The following DYNLRB1 variants were observed in gnomAD, a reference collection of about 807,000 sequenced individuals.
DYNLRB1 encodes ROBL/LC7-like 1.
DYNLRB1 carries 6 observed loss-of-function variants against 13.5 expected under a neutral mutation model. The observed-to-expected ratio is 0.44, with a 90% confidence interval of 0.24 to 0.88. DYNLRB1 has a LOEUF of 0.88. Ranked by LOEUF, DYNLRB1 falls within the 40% of genes least tolerant of loss-of-function variation. The pLI, the probability that DYNLRB1 is intolerant of heterozygous loss-of-function variation, is 0.21. For synonymous variants in DYNLRB1, 43 were observed against 45.0 expected (o/e 0.96, Z 0.18); for missense variants, 93 against 127.2 (o/e 0.73, Z 1.29).
chr20:34,537,081 C>T (rs1981206043), intron 3 of DYNLRB1, among the ~76,000 whole-genome samples: 1 of 152,170 alleles, frequency 6.6e-6, no homozygotes, highest in Non-Finnish European at 1.5e-5. Flanking sequence ...ATGGGCAGCT[C>T]CCAAGTAGGG....
intron 1 of DYNLRB1, among the ~76,000 whole-genome samples, chr20:34,517,272 C>G (rs1252424077): frequency 6.6e-6 from 1 of 152,008 alleles, no homozygotes; most frequent in Non-Finnish European, 1.5e-5. Context: ...AAAAAGAAAC[C>G]GTGTCATCAC....
At chr20:34,518,149 G>T (rs181679505) in intron 1 of DYNLRB1, among the ~76,000 whole-genome samples, 1 of 150,378 alleles carries the variant, frequency 6.6e-6, no homozygotes. Context: ...TTGTTTTTTC[G>T]ATGCCTTTGT....
intron 1 of DYNLRB1, 187 bp downstream of exon 1, chr20:34,516,648 G>T: frequency 6.8e-7 from 1 of 1,472,520 alleles, no homozygotes; most frequent in East Asian, 2.5e-5. Flanking sequence ...AAGCCTGACC[G>T]AGGCGGGGCC....
chr20:34,516,083 A>AG (rs751091162), upstream of DYNLRB1, among the ~76,000 whole-genome samples: 69 of 152,148 alleles, frequency 4.5e-4, no homozygotes, highest in African/African-American at 7.7e-4. Context: ...TTAGTAGAGA[A>AG]GGGGTCTCTC....
Position 34,534,677 on chromosome 20 carries a change from C to T in DYNLRB1, c.129C>T (p.Ala43=), listed in dbSNP as rs145910666. Residue 43 remains alanine (A), a synonymous_variant, in exon 3 of 4, where the codon GCC becomes GCT. Transcript: ENST00000357156. ...ACAACCCCACCACCACCCAGTATGC[C>T]AGCCTCATGCACAGCTTCATCCTGA... The part of the protein sequence containing the change: ...TMDNPTTTQY[A]SLMHSFILKA... The T allele has an allele frequency of 8.8e-6, 14 of 1,598,280 alleles. No individual in the cohort carries two copies. The African/African-American group carries it at 1.3e-4, about 15-fold the overall frequency.
intron 1 of DYNLRB1, among the ~76,000 whole-genome samples, chr20:34,521,695 C>A (rs560280685): frequency 6.6e-6 from 1 of 152,110 alleles, no homozygotes; most frequent in Non-Finnish European, 1.5e-5. Context: ...ACCTTGTCTC[C>A]ATCATCCCAT....
At chr20:34,516,640 G>A (rs1020590410) in intron 1 of DYNLRB1, 179 bp downstream of exon 1, 7 of 1,489,606 alleles carry the variant, frequency 4.7e-6, no homozygotes, top group Non-Finnish European at 6.3e-6. Context: ...GGCCTCTAAA[G>A]CCTGACCGAG....
At chr20:34,529,711 A>G in intron 2 of DYNLRB1, 1 of 790,706 alleles carries the variant, frequency 1.3e-6, no homozygotes, top group East Asian at 3.4e-5. Context: ...CCTGGACGAC[A>G]AGAATGAAAC....
intron 3 of DYNLRB1, among the ~76,000 whole-genome samples, chr20:34,537,466 C>T (rs1264668727): frequency 6.6e-6 from 1 of 152,192 alleles, no homozygotes; most frequent in African/African-American, 2.4e-5. Flanking sequence ...TGTAAACCTC[C>T]CTCCACTGCT....
At chr20:34,534,588 G>A (rs1436571986) in intron 2 of DYNLRB1, 40 bp from the exon 3 acceptor site, 1 of 1,521,674 alleles carries the variant, frequency 6.6e-7, no homozygotes, top group Non-Finnish European at 8.8e-7. Flanking sequence ...CGGCAGAAGG[G>A]GCTCCACATC....
intron 3 of DYNLRB1, chr20:34,535,581 GCCTCCAGGGC>G: frequency 2.1e-6 from 2 of 953,500 alleles, no homozygotes; most frequent in Middle Eastern, 5.4e-4. Flanking sequence ...GGCAGGCAGA[GCCTCCAGGGC>G]CGTCTTTGCA....
chr20:34,526,449 T>C (rs1980222035), intron 2 of DYNLRB1, 106 bp downstream of exon 2: 2 of 1,068,026 alleles, frequency 1.9e-6, no homozygotes, highest in Non-Finnish European at 2.7e-6. Flanking sequence ...TCTGATCTAA[T>C]TTTAGGCCTT....
intron 1 of DYNLRB1, among the ~76,000 whole-genome samples, chr20:34,524,619 C>T (rs1484641250): frequency 6.6e-6 from 1 of 152,112 alleles, no homozygotes; most frequent in Non-Finnish European, 1.5e-5. Context: ...GACTGACATT[C>T]GATCTCATAC....
At chr20:34,516,803 G>T in intron 1 of DYNLRB1, 1 of 1,550,222 alleles carries the variant, frequency 6.5e-7, no homozygotes, top group Non-Finnish European at 8.7e-7. Context: ...TTTCCCGGGA[G>T]CTCAGTTTGT....
At chr20:34,522,589 C>T (rs957585221) in intron 1 of DYNLRB1, among the ~76,000 whole-genome samples, 3 of 150,358 alleles carry the variant, frequency 2.0e-5, no homozygotes, top group Admixed American at 6.7e-5. Context: ...CCTTTCACCT[C>T]AGCCTCCCAA....
At chr20:34,528,810 CA>C (rs569383227) in intron 2 of DYNLRB1, among the ~76,000 whole-genome samples, 92 of 151,148 alleles carry the variant, frequency 6.1e-4, no homozygotes, top group Non-Finnish European at 1.1e-3. Flanking sequence ...GAACTCCACA[CA>C]AAAAAAAGAA....
intron 1 of DYNLRB1, among the ~76,000 whole-genome samples, chr20:34,524,537 G>A (rs757603688): frequency 6.6e-5 from 10 of 152,158 alleles, no homozygotes; most frequent in Non-Finnish European, 1.2e-4. Context: ...GTCCAGCAGT[G>A]ACCACTATTG....
intron 1 of DYNLRB1, among the ~76,000 whole-genome samples, chr20:34,524,235 C>T (rs946470015): frequency 7.2e-5 from 11 of 152,062 alleles, no homozygotes; most frequent in African/African-American, 2.7e-4. Context: ...CTCCTGTAAC[C>T]TTTTGTTTTC....
Position 34,540,623 on chromosome 20 carries a change from A to C in DYNLRB1, c.290A>C (p.Ter97SerextTer11). 6 of 1,613,934 alleles carry C rather than the reference A, an allele frequency of 3.7e-6. No homozygotes were observed. The highest frequency in any genetic ancestry group is 5.1e-6 in the Non-Finnish European group (6 of 1,179,918). ...FLIVIQNPTE* is the reference protein window; with the variant it reads ...FLIVIQNPTES The stretch of plus-strand genomic sequence containing the variant: ...ATTGTGATTCAGAATCCAACCGAAT[A>C]AGCCACTCTCTTGGCTCCCTGTGTC... Residue 97 changes from the stop codon to serine, a stop_lost, in exon 4 of 4, where the codon TAA (stop) becomes TCA (serine). Coordinates refer to ENST00000357156, the MANE Select transcript of DYNLRB1 (RefSeq NM_014183.4).
Sources: allele counts gnomAD v4.1 joint callset (sites outside exome capture counted in the v4.1 genomes callset), GRCh38; gene constraint gnomAD v4.1.1; transcripts MANE v1.5; gene names NCBI Gene and HGNC (gene_info 2026-07-23, HGNC 2026-07-21).